ADAMTSL1: variants seen among roughly 807,000 people sequenced by gnomAD.
ADAMTSL1 encodes ADAMTS-like protein 1.
ADAMTSL1 carries 126 observed loss-of-function variants against 201.8 expected under a neutral mutation model. That is an observed-to-expected ratio of 0.62 (90% CI 0.54 to 0.72). ADAMTSL1 has a LOEUF of 0.72. Ranked by LOEUF, ADAMTSL1 falls within the 30% of genes least tolerant of loss-of-function variation. The probability of loss-of-function intolerance (pLI) is 0.00; values close to 1 mark genes in which losing one functional copy is unlikely to be tolerated. For missense variants in ADAMTSL1, 2,679 were observed against 2,277.8 expected (o/e 1.18, Z -3.59); for synonymous variants, 1,121 against 903.4 (o/e 1.24, Z -4.32).
intron 2 of ADAMTSL1, among the ~76,000 whole-genome samples, chr9:18,529,010 A>G (rs1819271503): frequency 6.6e-6 from 1 of 152,216 alleles, no homozygotes; most frequent in African/African-American, 2.4e-5. Flanking sequence ...TTTACTGCTT[A>G]ATTCTCTGAC....
At chr9:18,523,873 C>T (rs1185730330) in intron 2 of ADAMTSL1, among the ~76,000 whole-genome samples, 9 of 136,360 alleles carry the variant, frequency 6.6e-5, no homozygotes, top group African/African-American at 2.2e-4. Flanking sequence ...AGTCAGGTAG[C>T]GTGATGCCTC....
chr9:18,053,624 T>C (rs1463531366), intron 1 of ADAMTSL1, among the ~76,000 whole-genome samples: 1 of 152,208 alleles, frequency 6.6e-6, no homozygotes, highest in African/African-American at 2.4e-5. Context: ...AGTCTTTCTG[T>C]TAATAAACAA....
At chr9:18,266,713 A>G (rs747108304) in intron 2 of ADAMTSL1, among the ~76,000 whole-genome samples, 8 of 152,088 alleles carry the variant, frequency 5.3e-5, no homozygotes, top group Non-Finnish European at 7.4e-5. Flanking sequence ...CAGGGGCCCT[A>G]TCGATTAACC....
rs569988946 is a variant in ADAMTSL1 at position 18,701,704 on chromosome 9, T to C, written c.1575-5043T>C. ...TGAAAACCTATACCTAAATTGAGTA[T>C]TTTTAATGAGACTTCCTGCATGTTT... On this transcript the variant is annotated intron_variant, in intron 13 of 28. Coordinates refer to ENST00000380548, the MANE Select transcript of ADAMTSL1 (RefSeq NM_001040272.6). 2.9e-3 allele frequency among the ~76,000 whole-genome samples: 437 copies of C among 152,312 alleles called. 3 individuals are homozygous for C. Among genetic ancestry groups the C allele is most frequent in the African/African-American group, 0.01 (418 of 41,570 alleles).
intron 2 of ADAMTSL1, among the ~76,000 whole-genome samples, chr9:18,526,015 T>C (rs903126183): frequency 3.3e-5 from 5 of 152,136 alleles, no homozygotes; most frequent in South Asian, 2.1e-4. Context: ...CTTTCTCTCA[T>C]TGATCTGTCC....
In ADAMTSL1 at chr9:18,639,413, T is replaced by G. The variant is rs1564108995; in HGVS notation, c.834+2T>G. 9 of 1,611,760 alleles carry G rather than the reference T, an allele frequency of 5.6e-6. No homozygotes were observed. The highest frequency in any genetic ancestry group is 7.6e-6 in the Non-Finnish European group (9 of 1,178,624). ...CTCACAGCAGATTTCATTGTCAAGG[T>G]GAGCCCTATTTAGATACCTCCTTTT... On this transcript the variant is annotated splice_donor_variant, in intron 7 of 28. Transcript: ENST00000380548. LOFTEE classifies it high-confidence loss of function.
chr9:18,790,477 T>C (rs1436582250), intron 19 of ADAMTSL1, among the ~76,000 whole-genome samples: 1 of 152,214 alleles, frequency 6.6e-6, no homozygotes, highest in African/African-American at 2.4e-5. Context: ...CCAGAGACTT[T>C]CCTTTATACA....
At chr9:18,533,362 A>G in intron 3 of ADAMTSL1, 70 bp downstream of exon 3, 1 of 1,356,682 alleles carries the variant, frequency 7.4e-7, no homozygotes, top group Non-Finnish European at 1.0e-6. Context: ...GCAGTTTTAT[A>G]TCCTGAGCAG....
At chr9:18,612,600 GACAAAA>G (rs1408532648) in intron 4 of ADAMTSL1, among the ~76,000 whole-genome samples, 1 of 152,128 alleles carries the variant, frequency 6.6e-6, no homozygotes, top group Non-Finnish European at 1.5e-5. Context: ...TCTGGTCTTT[GACAAAA>G]ACAAGCAATG....
chr9:18,554,552 A>G (rs1820993329), intron 3 of ADAMTSL1, among the ~76,000 whole-genome samples: 1 of 151,772 alleles, frequency 6.6e-6, no homozygotes, highest in Admixed American at 6.6e-5. Context: ...TGTTTCCCAA[A>G]TTGTCATGAG....
chr9:18,191,809 A>T (rs1392961343), intron 2 of ADAMTSL1, among the ~76,000 whole-genome samples: 2 of 152,174 alleles, frequency 1.3e-5, no homozygotes, highest in Non-Finnish European at 2.9e-5. Context: ...ATTTCTCAAA[A>T]TATTTTGTTA....
intron 1 of ADAMTSL1, among the ~76,000 whole-genome samples, chr9:18,158,518 G>A (rs923406018): frequency 6.6e-6 from 1 of 151,844 alleles, no homozygotes; most frequent in Non-Finnish European, 1.5e-5. Context: ...GTCCTACCAG[G>A]AGCAAGCTGT....
In ADAMTSL1 at chr9:17,925,350, A is replaced by G. The variant is rs1826481706; in HGVS notation, c.87+18428A>G. Reference sequence around the variant, plus strand: ...TACCATTTGACCCAGCCATCCCATTACTGAGTATATACCCATATGACTATA... The same window carrying G: ...TACCATTTGACCCAGCCATCCCATTGCTGAGTATATACCCATATGACTATA... On this transcript the variant is annotated intron_variant, in intron 1 of 29. Transcript: ENST00000680146. Among the ~76,000 whole-genome samples the G allele has an allele frequency of 1.7e-5, 2 of 121,212 alleles. 1 individual carries two copies. Among genetic ancestry groups the G allele is most frequent in the Non-Finnish European group, 3.6e-5 (2 of 55,498 alleles). 79.5% of individuals were successfully genotyped at this position (121,212 alleles called of 152,430 possible).
chr9:18,759,895 T>C (rs1270681506), intron 16 of ADAMTSL1, among the ~76,000 whole-genome samples: 2 of 152,186 alleles, frequency 1.3e-5, no homozygotes, highest in Non-Finnish European at 2.9e-5. Context: ...TTTTAATAAT[T>C]ATGTTTAGTA....
intron 1 of ADAMTSL1, among the ~76,000 whole-genome samples, chr9:18,013,770 C>A (rs1820146783): frequency 6.6e-6 from 1 of 151,958 alleles, no homozygotes; most frequent in Non-Finnish European, 1.5e-5. Context: ...GGAAGGTAAG[C>A]ATTTAATTGT....
chr9:18,685,380 G>A (rs1439619029), intron 13 of ADAMTSL1, among the ~76,000 whole-genome samples: 1 of 152,198 alleles, frequency 6.6e-6, no homozygotes, highest in East Asian at 1.9e-4. Flanking sequence ...GTCTTCAGAA[G>A]AGGAAACAAA....
rs556843420 is a variant in ADAMTSL1, at chr9:18,299,564, G to A, written c.207+135583G>A. On this transcript the variant is annotated intron_variant, in intron 2 of 29. Coordinates refer to the ADAMTSL1 transcript ENST00000680146. ...GAACACAAGGAACAGGCTTATTTACGACTCCTGCCGTGTCCTCTCAGGGGA... is the reference window on the plus strand; with the variant it reads ...GAACACAAGGAACAGGCTTATTTACAACTCCTGCCGTGTCCTCTCAGGGGA... Among the ~76,000 whole-genome samples the A allele has an allele frequency of 2.2e-4, 33 of 152,246 alleles. No homozygotes were observed. The East Asian group carries it at 6.0e-3, about 28-fold the overall frequency.
intron 9 of ADAMTSL1, among the ~76,000 whole-genome samples, chr9:18,675,452 A>C (rs1160825392): frequency 1.3e-5 from 2 of 152,222 alleles, no homozygotes; most frequent in Admixed American, 1.3e-4. Flanking sequence ...GAAGTGAGAC[A>C]GTTACTGTAA....
At chr9:18,457,110 A>C (rs1254107990) in intron 2 of ADAMTSL1, among the ~76,000 whole-genome samples, 5 of 152,194 alleles carry the variant, frequency 3.3e-5, no homozygotes, top group African/African-American at 1.2e-4. Context: ...AACTCCACAC[A>C]CAGTGAAAAA....
Sources: allele counts gnomAD v4.1 joint callset (sites outside exome capture counted in the v4.1 genomes callset), GRCh38; gene constraint gnomAD v4.1.1; transcripts MANE v1.5; gene names NCBI Gene and HGNC (gene_info 2026-07-23, HGNC 2026-07-21).